Variants in GALNT17 observed in about 807,000 individuals in gnomAD.
GALNT17 encodes UDP-GalNAc:polypeptide N-acetylgalactosaminyltransferase-like 3.
A neutral mutation model predicts 63.7 loss-of-function variants in GALNT17; 29 were observed. The observed-to-expected ratio is 0.46, with a 90% CI of 0.34 to 0.62. GALNT17 has a LOEUF of 0.62. GALNT17 is among the 20% of genes least tolerant of loss of function. GALNT17 has a pLI of 0.01. For missense variants in GALNT17, 603 were observed against 799.6 expected (o/e 0.75, Z 2.97); for synonymous variants, 305 against 318.3 (o/e 0.96, Z 0.45).
At chr7:71,506,741 A>G (rs1328796113) in intron 5 of GALNT17, among the ~76,000 whole-genome samples, 1 of 152,192 alleles carries the variant, frequency 6.6e-6, no homozygotes, top group African/African-American at 2.4e-5. Context: ...TTGTACTGGT[A>G]CATGCAATAT....
At chr7:71,149,280 C>T (rs572307496) in intron 1 of GALNT17, among the ~76,000 whole-genome samples, 2 of 152,026 alleles carry the variant, frequency 1.3e-5, no homozygotes, top group South Asian at 2.1e-4. Flanking sequence ...TAACTTAATT[C>T]GACATCACAC....
intron 4 of GALNT17, among the ~76,000 whole-genome samples, chr7:71,420,121 A>T (rs567367978): frequency 6.6e-6 from 1 of 152,178 alleles, no homozygotes; most frequent in African/African-American, 2.4e-5. Flanking sequence ...ATGGGAAATG[A>T]TCCCTTCCCG....
Position 71,684,027 on chromosome 7 carries a change from C to T in GALNT17, c.1500+6721C>T, listed in dbSNP as rs776534604. Among the ~76,000 whole-genome samples, 188 of 120,694 alleles carry T rather than the reference C, an allele frequency of 1.6e-3. 1 individual carries two copies. The highest frequency in any genetic ancestry group is 3.0e-3 in the Non-Finnish European group (165 of 54,384). 79.2% of individuals were successfully genotyped at this position (120,694 alleles called of 152,430 possible). On this transcript the variant is annotated intron_variant, in intron 9 of 10. Coordinates refer to ENST00000333538, the MANE Select transcript of GALNT17 (RefSeq NM_022479.3). ...CTGTCTCAAAAAAAAAAAAAAAAAA[C>T]AAAAGAAACCATCAAGGATGCAGTA...
At chr7:71,698,849 G>A (rs1157575302) in intron 9 of GALNT17, among the ~76,000 whole-genome samples, 1 of 152,094 alleles carries the variant, frequency 6.6e-6, no homozygotes, top group Admixed American at 6.6e-5. Context: ...AACTCCAGCT[G>A]TATTCCATTT....
chr7:71,599,489 C>T (rs534495868), intron 6 of GALNT17, among the ~76,000 whole-genome samples: 4 of 152,154 alleles, frequency 2.6e-5, no homozygotes, highest in South Asian at 2.1e-4. Flanking sequence ...TGTTCCACCC[C>T]GCATCATTCT....
intron 1 of GALNT17, among the ~76,000 whole-genome samples, chr7:71,192,304 T>C (rs1189492338): frequency 6.6e-6 from 1 of 152,018 alleles, no homozygotes; most frequent in East Asian, 1.9e-4. Context: ...GGCAACACCC[T>C]CACAGACACA....
intron 6 of GALNT17, among the ~76,000 whole-genome samples, chr7:71,615,652 A>G (rs1382036673): frequency 6.6e-6 from 1 of 151,620 alleles, no homozygotes; most frequent in Non-Finnish European, 1.5e-5. Context: ...AATTTTTTGT[A>G]TTTTTAGTAG....
intron 6 of GALNT17, among the ~76,000 whole-genome samples, chr7:71,644,034 T>G (rs2117011413): frequency 6.6e-6 from 1 of 152,284 alleles, no homozygotes; most frequent in African/African-American, 2.4e-5. Context: ...AAAGTATTGG[T>G]TGGTCATAAC....
intron 6 of GALNT17, among the ~76,000 whole-genome samples, chr7:71,649,197 G>A (rs899486263): frequency 1.3e-5 from 2 of 152,174 alleles, no homozygotes; most frequent in African/African-American, 4.8e-5. Flanking sequence ...TGAGAGCTCT[G>A]TCCTGGCCCA....
intron 6 of GALNT17, among the ~76,000 whole-genome samples, chr7:71,627,263 G>A (rs1250810212): frequency 2.6e-5 from 4 of 152,058 alleles, no homozygotes; most frequent in Admixed American, 1.3e-4. Flanking sequence ...TTCCCAAACC[G>A]GTGCTTCTGC....
intron 5 of GALNT17, among the ~76,000 whole-genome samples, chr7:71,451,123 T>G (rs4236250): frequency 4.0e-5 from 6 of 151,502 alleles, no homozygotes; most frequent in Non-Finnish European, 5.9e-5. Flanking sequence ...ATGTTCCCCT[T>G]CCTGTGTCCA....
At chr7:71,527,085 C>G (rs1584026597) in intron 5 of GALNT17, among the ~76,000 whole-genome samples, 1 of 152,222 alleles carries the variant, frequency 6.6e-6, no homozygotes, top group Middle Eastern at 3.4e-3. Context: ...TGTGTCTGGT[C>G]TGTATTGCAT....
chr7:71,546,485 G>A (rs6460669), intron 5 of GALNT17, among the ~76,000 whole-genome samples: 109,079 of 152,082 alleles, frequency 0.72, 39,443 homozygotes, highest in Non-Finnish European at 0.75. Context: ...TATGCCCAGC[G>A]CTCAAGAAGA....
At chr7:71,652,536 G>A (rs1040630574) in intron 6 of GALNT17, among the ~76,000 whole-genome samples, 4 of 152,126 alleles carry the variant, frequency 2.6e-5, no homozygotes, top group African/African-American at 9.7e-5. Context: ...TTACCAGAAA[G>A]GCCCGCAAAT....
At chr7:71,540,625 C>T (rs1476224411) in intron 5 of GALNT17, among the ~76,000 whole-genome samples, 2 of 151,736 alleles carry the variant, frequency 1.3e-5, no homozygotes, top group Non-Finnish European at 2.9e-5. Flanking sequence ...TTTTTTCCAA[C>T]AAATGAAGCA....
At chr7:71,565,534 C>T (rs576032048) in intron 5 of GALNT17, among the ~76,000 whole-genome samples, 8 of 151,284 alleles carry the variant, frequency 5.3e-5, no homozygotes, top group East Asian at 3.9e-4. Flanking sequence ...GCACACTCCC[C>T]TGATACCCAG....
intron 2 of GALNT17, among the ~76,000 whole-genome samples, chr7:71,362,718 T>C (rs928142376): frequency 7.9e-5 from 12 of 152,114 alleles, no homozygotes; most frequent in African/African-American, 2.4e-4. Context: ...ACAAATCCAT[T>C]TGTGTATATT....
At chr7:71,382,313 G>A (rs1387407042) in intron 2 of GALNT17, among the ~76,000 whole-genome samples, 1 of 152,096 alleles carries the variant, frequency 6.6e-6, no homozygotes, top group Non-Finnish European at 1.5e-5. Flanking sequence ...CCAGGGGGCG[G>A]AGGGTACAGT....
chr7:71,643,153 C>A (rs1346610940), intron 6 of GALNT17, among the ~76,000 whole-genome samples: 1 of 151,226 alleles, frequency 6.6e-6, no homozygotes, highest in East Asian at 1.9e-4. Flanking sequence ...GTTTCAAGAT[C>A]AACGCTATTC....
Sources: allele counts gnomAD v4.1 joint callset (sites outside exome capture counted in the v4.1 genomes callset), GRCh38; gene constraint gnomAD v4.1.1; transcripts MANE v1.5; gene names NCBI Gene and HGNC (gene_info 2026-07-23, HGNC 2026-07-21).